The following KLRG1 variants were observed in gnomAD, a reference collection of about 807,000 sequenced individuals.
KLRG1 encodes killer cell lectin like receptor G1.
Under a neutral mutation model 21.8 loss-of-function variants are expected in KLRG1, and 16 were observed. The ratio of observed to expected loss-of-function variants is 0.73; its 90% CI spans 0.50 to 1.11. KLRG1 has a LOEUF of 1.11. Among genes scored for constraint, KLRG1 ranks in the 50% most tolerant of loss-of-function variants. The pLI is 0.00. For synonymous variants in KLRG1, 69 were observed against 75.9 expected (o/e 0.91, Z 0.47); for missense variants, 173 against 218.3 (o/e 0.79, Z 1.31).
At chr12:9,096,440 T>C in the KLRG1 span, among the ~76,000 whole-genome samples, 1 of 152,206 alleles carries the variant, frequency 6.6e-6, no homozygotes, top group African/African-American at 2.4e-5. Context: ...ATAGCAAAGT[T>C]AATGGGTGCA....
chr12:8,963,669 CT>C (rs1161384497), intron 1 of KLRG1, among the ~76,000 whole-genome samples: 1 of 152,078 alleles, frequency 6.6e-6, no homozygotes, highest in Non-Finnish European at 1.5e-5. Flanking sequence ...TGGTCCTGGA[CT>C]TTTTTTGGTT....
chr12:8,967,676 G>T (rs779927661), intron 1 of KLRG1, among the ~76,000 whole-genome samples: 96 of 152,228 alleles, frequency 6.3e-4, no homozygotes, highest in African/African-American at 2.3e-3. Flanking sequence ...TGAAACAATG[G>T]TTCCATGTAT....
At chr12:8,972,797 C>G (rs1326266694) in intron 1 of KLRG1, among the ~76,000 whole-genome samples, 2 of 152,006 alleles carry the variant, frequency 1.3e-5, no homozygotes, top group African/African-American at 4.8e-5. Context: ...TATTTGGGGT[C>G]TTTTGTGATT....
At chr12:9,186,071 G>A in the KLRG1 span, among the ~76,000 whole-genome samples, 1 of 151,982 alleles carries the variant, frequency 6.6e-6, no homozygotes, top group African/African-American at 2.4e-5. Context: ...CCCCCAAAGT[G>A]CTGGGATTAC....
At chr12:9,164,488 G>A in the KLRG1 span, among the ~76,000 whole-genome samples, 14 of 152,332 alleles carry the variant, frequency 9.2e-5, no homozygotes, top group African/African-American at 2.9e-4. Context: ...GCTTGTGGAC[G>A]TGCAGGCTTG....
rs112117602 is a variant in KLRG1 at position 8,957,919 on chromosome 12, A to C, written c.-156+7683A>C. ...TTCAGACCTCGGTTGACTACTGGTA[A>C]CTGAAATTGTAGAAAGCACACCTGC... On this transcript the variant is annotated intron_variant, in intron 1 of 4. Coordinates refer to the KLRG1 transcript ENST00000539240. 4.9e-3 allele frequency among the ~76,000 whole-genome samples: 752 copies of C among 152,354 alleles called. 10 individuals carry two copies. Among genetic ancestry groups the C allele is most frequent in the African/African-American group, 0.017 (689 of 41,582 alleles).
chr12:8,963,996 T>A (rs1032164851), intron 1 of KLRG1, among the ~76,000 whole-genome samples: 10 of 152,198 alleles, frequency 6.6e-5, no homozygotes, highest in African/African-American at 2.4e-4. Context: ...GCTCCTGGAT[T>A]CATTAATTTT....
chr12:9,102,676 C>T, the KLRG1 span, among the ~76,000 whole-genome samples: 1 of 152,136 alleles, frequency 6.6e-6, no homozygotes, highest in African/African-American at 2.4e-5. Flanking sequence ...CTAGTGAATC[C>T]TTGAGCAAAA....
At chr12:8,974,729 G>C (rs1946629298) in intron 1 of KLRG1, among the ~76,000 whole-genome samples, 1 of 152,090 alleles carries the variant, frequency 6.6e-6, no homozygotes, top group Non-Finnish European at 1.5e-5. Context: ...ACTTGGTCAT[G>C]GTGCATGAGC....
the KLRG1 span, among the ~76,000 whole-genome samples, chr12:9,016,767 C>T: frequency 6.6e-6 from 1 of 152,002 alleles, no homozygotes; most frequent in African/African-American, 2.4e-5. Context: ...GTGTGCGTCA[C>T]CACACCTGGC....
chr12:9,037,977 G>C, the KLRG1 span, among the ~76,000 whole-genome samples: 1 of 152,222 alleles, frequency 6.6e-6, no homozygotes, highest in African/African-American at 2.4e-5. Context: ...TGTGTTAAAA[G>C]ATGTACTGCA....
chr12:9,191,990 T>C, the KLRG1 span, among the ~76,000 whole-genome samples: 1 of 152,150 alleles, frequency 6.6e-6, no homozygotes, highest in Non-Finnish European at 1.5e-5. Flanking sequence ...CTTAGCAGAG[T>C]GACTGATACA....
the KLRG1 span, chr12:9,068,251 C>A: frequency 5.9e-4 from 937 of 1,595,316 alleles, 10 homozygotes; most frequent in East Asian, 0.019. Flanking sequence ...CAACAAAAAA[C>A]CAGAAATCAT....
At chr12:9,050,767 G>C in the KLRG1 span, among the ~76,000 whole-genome samples, 6 of 152,206 alleles carry the variant, frequency 3.9e-5, no homozygotes, top group East Asian at 1.2e-3. Flanking sequence ...AAGTTGGCGA[G>C]GTGGGAGCTC....
the KLRG1 span, chr12:9,200,756 G>A: frequency 9.7e-6 from 9 of 930,106 alleles, no homozygotes; most frequent in South Asian, 3.4e-5. Flanking sequence ...TGTTCACACC[G>A]TCCTAATGGT....
chr12:8,976,451 T>G (rs968129712), intron 1 of KLRG1, among the ~76,000 whole-genome samples: 17 of 152,194 alleles, frequency 1.1e-4, no homozygotes, highest in African/African-American at 4.1e-4. Flanking sequence ...GGGTGAAAAT[T>G]TCTGTATATA....
the KLRG1 span, chr12:9,152,109 A>AT: frequency 1.2e-4 from 107 of 860,530 alleles, 2 homozygotes; most frequent in African/African-American, 1.5e-3. Context: ...TGGGAAAAAT[A>AT]TTTTTTTGAG....
rs750567745 is a variant in KLRG1 at position 8,989,680 on chromosome 12, A to G, written c.45A>G (p.Ala15=). Residue 15 remains alanine, a synonymous_variant, in exon 1 of 5, where the codon GCA becomes GCG. Coordinates refer to ENST00000356986, the MANE Select transcript of KLRG1 (RefSeq NM_005810.4). The part of the protein sequence containing the change: ...VIYSMLELPT[A]TQAQNDYGPQ... ...ATTCCATGTTAGAGTTGCCTACGGC[A>G]ACCCAAGCCCAGAATGACTATGGAC... 28 of 1,611,330 alleles carry G rather than the reference A, an allele frequency of 1.7e-5. No individual in the cohort carries two copies. In the East Asian group the frequency reaches 5.8e-4, roughly 33 times the overall value.
the KLRG1 span, among the ~76,000 whole-genome samples, chr12:9,188,251 A>T: frequency 6.6e-6 from 1 of 152,252 alleles, no homozygotes; most frequent in Non-Finnish European, 1.5e-5. Flanking sequence ...ATTCATTCAT[A>T]TAAACAGAAC....
Sources: allele counts gnomAD v4.1 joint callset (sites outside exome capture counted in the v4.1 genomes callset), GRCh38; gene constraint gnomAD v4.1.1; transcripts MANE v1.5; gene names NCBI Gene and HGNC (gene_info 2026-07-23, HGNC 2026-07-21).